RBFOX1: variants seen among roughly 807,000 people sequenced by gnomAD.
The protein encoded by RBFOX1 is RNA binding protein fox-1 homolog 1.
A neutral mutation model predicts 57.7 loss-of-function variants in RBFOX1; 8 were observed. The observed-to-expected ratio is 0.14, with a 90% CI of 0.08 to 0.25. RBFOX1 has a LOEUF of 0.25. Ranked by LOEUF, RBFOX1 falls within the 10% of genes least tolerant of loss-of-function variation. RBFOX1 has a pLI of 1.00. For synonymous variants in RBFOX1, 326 were observed against 222.4 expected, an observed-to-expected ratio of 1.47 and a Z score of -4.15; for missense variants, 611 against 548.5, an observed-to-expected ratio of 1.11 and a Z score of -1.14.
At chr16:6,302,966 T>C (rs1021653879) in intron 1 of RBFOX1, among the ~76,000 whole-genome samples, 1 of 152,234 alleles carries the variant, frequency 6.6e-6, no homozygotes, top group South Asian at 2.1e-4. Context: ...GCACTTCACA[T>C]ATTTTATGTG....
intron 4 of RBFOX1, among the ~76,000 whole-genome samples, chr16:7,250,379 A>C (rs1219261271): frequency 6.6e-6 from 1 of 152,172 alleles, no homozygotes. Context: ...AAATGCTTTA[A>C]AGCCAGCTTA....
At chr16:7,231,391 A>T (rs1259995672) in intron 4 of RBFOX1, among the ~76,000 whole-genome samples, 6 of 152,152 alleles carry the variant, frequency 3.9e-5, no homozygotes, top group African/African-American at 1.4e-4. Context: ...ATGATGAGGG[A>T]GTATAGCTGT....
chr16:5,729,901 T>C lies in RBFOX1; in HGVS notation c.318+130940T>C, dbSNP rs150140056. 5.5e-3 allele frequency among the ~76,000 whole-genome samples: 842 copies of C among 152,304 alleles called. 8 individuals are homozygous for C. The highest frequency in any genetic ancestry group is 0.019 in the African/African-American group (793 of 41,560). ...CTAGCCCCGAGAGCTGCATACTGCA[T>C]CTAAGCTCAGGGAAGCTGCTTCTCT... On this transcript the variant is annotated intron_variant, in intron 3 of 19. Coordinates refer to the RBFOX1 transcript ENST00000641259.
chr16:6,529,796 C>T lies in RBFOX1; in HGVS notation c.-63-124807C>T, dbSNP rs141939612. ...TAGTAACACTTGAGAATCTGAACTG[C>T]ATGTCTTGTTGATATTTCTTTAACA... On this transcript the variant is annotated intron_variant, in intron 2 of 15. Transcript: ENST00000550418. 2.3e-3 allele frequency among the ~76,000 whole-genome samples: 356 copies of T among 152,180 alleles called. 2 individuals carry two copies. The highest frequency in any genetic ancestry group is 8.1e-3 in the African/African-American group (338 of 41,522).
At chr16:7,038,792 G>A (rs189880971) in intron 3 of RBFOX1, among the ~76,000 whole-genome samples, 8 of 152,258 alleles carry the variant, frequency 5.3e-5, no homozygotes, top group Non-Finnish European at 2.9e-5. Context: ...GGACCTGGGG[G>A]ACTTCTTTTG....
chr16:5,833,622 A>G (rs1384779262), intron 3 of RBFOX1, among the ~76,000 whole-genome samples: 1 of 152,124 alleles, frequency 6.6e-6, no homozygotes, highest in Non-Finnish European at 1.5e-5. Context: ...AGACACTTTT[A>G]GAGGGTCTCC....
intron 3 of RBFOX1, among the ~76,000 whole-genome samples, chr16:6,830,398 G>C (rs572199148): frequency 6.6e-6 from 1 of 151,924 alleles, no homozygotes; most frequent in African/African-American, 2.4e-5. Context: ...TTTTACTAAC[G>C]GGAAGTAATA....
intron 4 of RBFOX1, among the ~76,000 whole-genome samples, chr16:7,473,332 C>G (rs908519693): frequency 1.3e-5 from 2 of 151,220 alleles, no homozygotes; most frequent in African/African-American, 4.9e-5. Flanking sequence ...GAGCCAAGAT[C>G]ACACCACTGC....
At chr16:5,283,061 AAGG>A (rs1313666918) in intron 1 of RBFOX1, among the ~76,000 whole-genome samples, 2 of 152,164 alleles carry the variant, frequency 1.3e-5, no homozygotes, top group Non-Finnish European at 2.9e-5. Flanking sequence ...CTGCAGCTAA[AAGG>A]AGCCAAGATA....
chr16:6,788,663 G>A (rs1051759364), intron 3 of RBFOX1, among the ~76,000 whole-genome samples: 2 of 151,782 alleles, frequency 1.3e-5, no homozygotes, highest in Admixed American at 1.3e-4. Context: ...TTTTAGTAGA[G>A]ACGGGGTTTC....
At chr16:6,101,209 C>G (rs1055271895) in intron 1 of RBFOX1, among the ~76,000 whole-genome samples, 1 of 152,172 alleles carries the variant, frequency 6.6e-6, no homozygotes, top group Non-Finnish European at 1.5e-5. Flanking sequence ...AGTCTCCGGA[C>G]CCACTCTCTC....
chr16:6,458,132 G>A (rs894131987), intron 2 of RBFOX1, among the ~76,000 whole-genome samples: 13 of 152,208 alleles, frequency 8.5e-5, no homozygotes, highest in Admixed American at 2.6e-4. Context: ...TTTTGCAATT[G>A]GATTTCCAGC....
chr16:5,303,534 C>T (rs1351561424), intron 1 of RBFOX1, among the ~76,000 whole-genome samples: 1 of 152,134 alleles, frequency 6.6e-6, no homozygotes, highest in Non-Finnish European at 1.5e-5. Flanking sequence ...GAAAAGCTGG[C>T]TGTGGGAGTC....
intron 1 of RBFOX1, among the ~76,000 whole-genome samples, chr16:5,297,390 C>T (rs1021992780): frequency 6.6e-6 from 1 of 152,168 alleles, no homozygotes; most frequent in African/African-American, 2.4e-5. Flanking sequence ...TCTCTTGCAT[C>T]CTCACCAACA....
At chr16:5,265,733 A>G (rs1311345528) in intron 1 of RBFOX1, among the ~76,000 whole-genome samples, 1 of 152,284 alleles carries the variant, frequency 6.6e-6, no homozygotes, top group African/African-American at 2.4e-5. Flanking sequence ...CAGCCTGACT[A>G]TCAGAGGCTG....
At chr16:6,925,901 A>T (rs1233513244) in intron 3 of RBFOX1, among the ~76,000 whole-genome samples, 1 of 152,092 alleles carries the variant, frequency 6.6e-6, no homozygotes, top group Non-Finnish European at 1.5e-5. Context: ...TTGTTTTATC[A>T]TCTATTTATT....
intron 1 of RBFOX1, among the ~76,000 whole-genome samples, chr16:5,349,463 C>T (rs1796797485): frequency 2.0e-5 from 3 of 152,164 alleles, no homozygotes; most frequent in South Asian, 2.1e-4. Context: ...TACTCAAGGT[C>T]AGGAGTTCGA....
intron 4 of RBFOX1, among the ~76,000 whole-genome samples, chr16:7,272,580 A>T (rs751445292): frequency 2.0e-5 from 3 of 152,208 alleles, no homozygotes; most frequent in Admixed American, 6.5e-5. Context: ...GCCAGGTTGT[A>T]GAGAGGACAG....
intron 3 of RBFOX1, among the ~76,000 whole-genome samples, chr16:5,670,582 T>C (rs562011319): frequency 6.6e-6 from 1 of 152,228 alleles, no homozygotes; most frequent in Admixed American, 6.5e-5. Context: ...GTCCTGGGTT[T>C]CTGTAAAAGA....
Sources: gnomAD v4.1 joint callset for allele counts (sites outside exome capture counted in the v4.1 genomes callset) on GRCh38, gnomAD v4.1.1 for gene constraint, MANE v1.5 for transcripts, NCBI Gene and HGNC (gene_info 2026-07-23, HGNC 2026-07-21) for gene names.